HELZ2: variants seen among roughly 807,000 people sequenced by gnomAD.
HELZ2 encodes 3'-5' exoribonuclease HELZ2.
A neutral mutation model predicts 208.8 loss-of-function variants in HELZ2; 143 were observed. The ratio of observed to expected loss-of-function variants is 0.68; its 90% CI spans 0.60 to 0.79. The LOEUF is 0.79. Among genes scored for constraint, HELZ2 ranks in the 30% least tolerant of loss-of-function variants. The pLI is 0.00. For missense variants in HELZ2, 3,690 were observed against 3,794.5 expected, an observed-to-expected ratio of 0.97 and a Z score of 0.72; for synonymous variants, 1,705 against 1,693.7, an observed-to-expected ratio of 1.01 and a Z score of -0.16.
In HELZ2 at chr20:63,567,904, C is replaced by G. The variant is rs2082979947; in HGVS notation, c.1731-277G>C. ...CAGAACCCCCAATCCAGAAATCAGC[C>G]CGGGACGTATGGCCACTGTCCCAGG... On this transcript the variant is annotated intron_variant, in intron 5 of 18. Transcript: ENST00000467148. 4 of 630,824 alleles carry G rather than the reference C, an allele frequency of 6.3e-6. No homozygotes were observed. In the South Asian group the frequency reaches 8.3e-5, roughly 13 times the overall value. The allele number at this position is 630,824 out of a possible 1,614,324, so 39.1% of individuals were successfully genotyped here.
In HELZ2 at chr20:63,560,471, A is replaced by G. The variant is rs1569027743; in HGVS notation, c.7500+8T>C. 6.2e-7 allele frequency: 1 copy of G among 1,608,560 alleles called. No individual in the cohort carries two copies. ...GCCCTCCCTGACTCACAGGCACCAG[A>G]CACTCACCACCTCAGCCACCTCCTC... On this transcript the variant is annotated splice_region_variant and intron_variant, in intron 16 of 18. Transcript: ENST00000467148.
chr20:63,567,587 C>A, exon 6 of HELZ2: 1 of 1,596,278 alleles, frequency 6.3e-7, no homozygotes, highest in Non-Finnish European at 8.5e-7. Flanking sequence ...CCGCCGCTGA[C>A]GTGGCTGTGG....
intron 18 of HELZ2, 142 bp downstream of exon 19, chr20:63,559,786 G>GGGTC (rs2082863838): frequency 3.0e-4 from 182 of 598,640 alleles, no homozygotes; most frequent in South Asian, 2.9e-4. Flanking sequence ...GAGTCAGTCA[G>GGGTC]AGTCAGGTGG....
exon 8 of HELZ2, chr20:63,563,010 C>T (rs774304921): frequency 2.4e-5 from 38 of 1,600,398 alleles, no homozygotes; most frequent in South Asian, 3.3e-5. Flanking sequence ...TACTCATCCA[C>T]GTCGCGGTAC....
At position 63,566,802 on chromosome 20, in the gene HELZ2, C is replaced by T. The variant is rs765407249; in HGVS notation, c.2514+42G>A. The T allele has an allele frequency of 3.9e-6, 6 of 1,535,148 alleles. No homozygotes were observed. The African/African-American group carries it at 6.8e-5, about 17-fold the overall frequency. On this transcript the variant is annotated intron_variant, in intron 6 of 18. Coordinates refer to ENST00000467148, the Ensembl canonical transcript of HELZ2. Reference sequence around the variant, plus strand: ...AGCCGGAGAGCTCCCCCTCCCCCAGCAGGGGTGCGGTCGGGGGCTGTCCCG... The same window carrying T: ...AGCCGGAGAGCTCCCCCTCCCCCAGTAGGGGTGCGGTCGGGGGCTGTCCCG...
exon 4 of HELZ2, chr20:63,569,632 C>T (rs2082999309): frequency 1.9e-6 from 3 of 1,545,040 alleles, no homozygotes; most frequent in Non-Finnish European, 1.7e-6. Context: ...GCTCCTGGCT[C>T]CTGCTTCAGC....
At chr20:63,558,680 AG>A (rs1255726101), downstream of HELZ2, 1 of 152,244 alleles carries the variant, frequency 6.6e-6, no homozygotes, top group African/African-American at 2.4e-5. Flanking sequence ...CTGGGATTAC[AG>A]GCGCCCGCCA....
exon 8 of HELZ2, chr20:63,563,128 C>G (rs768766384): frequency 6.3e-7 from 1 of 1,596,064 alleles, no homozygotes; most frequent in East Asian, 2.3e-5. Flanking sequence ...GCTGAGGGCT[C>G]GGTACCAGGA....
chr20:63,561,407 T>C, exon 13 of HELZ2: 1 of 1,612,904 alleles, frequency 6.2e-7, no homozygotes, highest in Admixed American at 1.7e-5. Flanking sequence ...GTCAAAGGCC[T>C]TGATTTCCGA....
At chr20:63,566,558 C>T (rs1326488570) in intron 6 of HELZ2, 105 bp from the exon 8 acceptor site, 2 of 718,524 alleles carry the variant, frequency 2.8e-6, no homozygotes, top group Non-Finnish European at 4.5e-6. Context: ...GAGCGCAGGA[C>T]GCAGTGAGGA....
exon 1 of HELZ2, chr20:63,572,357 C>T: frequency 1.3e-6 from 2 of 1,557,862 alleles, no homozygotes; most frequent in South Asian, 2.4e-5. Context: ...CTGGAGGCCA[C>T]CCAGCTGCTC....
exon 1 of HELZ2, chr20:63,572,260 G>A: frequency 6.3e-7 from 1 of 1,586,952 alleles, no homozygotes; most frequent in Non-Finnish European, 8.6e-7. Context: ...AGCAGGCCGG[G>A]CAGTACAGCT....
exon 1 of HELZ2, chr20:63,572,167 G>A (rs1226759859): frequency 1.2e-6 from 2 of 1,611,030 alleles, no homozygotes. Context: ...CCCAGGGCAG[G>A]GCCTGGTCGA....
exon 8 of HELZ2, chr20:63,562,952 GCGC>G (rs1234462905): frequency 7.5e-6 from 12 of 1,590,314 alleles, no homozygotes; most frequent in Non-Finnish European, 1.0e-5. Context: ...CTCGGCAACC[GCGC>G]CGGTGGCCGA....
chr20:63,569,458 G>A (rs565971448), exon 4 of HELZ2: 30 of 1,609,812 alleles, frequency 1.9e-5, no homozygotes, highest in South Asian at 7.7e-5. Context: ...AGCACCGGCC[G>A]GCGGCCAAAG....
chr20:63,572,666 G>T, upstream of HELZ2: 1 of 434,006 alleles, frequency 2.3e-6, no homozygotes, highest in Non-Finnish European at 4.1e-6. Flanking sequence ...GCCAAACTCC[G>T]TAAGGATGGC....
chr20:63,566,173 G>T, exon 8 of HELZ2: 1 of 1,535,602 alleles, frequency 6.5e-7, no homozygotes. Flanking sequence ...GTGCCCCAGG[G>T]CTGAGCAGGC....
Position 63,565,391 on chromosome 20 carries a change from GCT to G in HELZ2, c.3429_3430del (p.Ala1144HisfsTer27). 6.2e-7 allele frequency: 1 copy of G among 1,609,578 alleles called. No individual in the cohort carries two copies. The highest frequency in any genetic ancestry group is 8.5e-7 in the Non-Finnish European group (1 of 1,178,952). ...CGAGGAGGCATCGTCCAGCGGGATG[GCT>G]GACGCCCGCTCGAAGGTCTCTGGCA... is the stretch of plus-strand genomic sequence containing the variant. On this transcript the variant is annotated frameshift_variant, in exon 8 of 19. Coordinates refer to ENST00000467148, the Ensembl canonical transcript of HELZ2. LOFTEE classifies it high-confidence loss of function.
chr20:63,566,770 G>C, intron 6 of HELZ2, 74 bp downstream of exon 7: 1 of 1,381,540 alleles, frequency 7.2e-7, no homozygotes, highest in Non-Finnish European at 9.8e-7. Context: ...GCGGGGGCTC[G>C]TCCATCAGCC....
Sources: allele counts gnomAD v4.1 joint callset, GRCh38; gene constraint gnomAD v4.1.1; transcripts MANE v1.5; gene names NCBI Gene and HGNC (gene_info 2026-07-23, HGNC 2026-07-21).